The following BAIAP2L1 variants were observed in gnomAD, a reference collection of about 807,000 sequenced individuals.
BAIAP2L1 encodes the protein BAR/IMD domain-containing adapter protein 2-like 1.
A neutral mutation model predicts 66.3 loss-of-function variants in BAIAP2L1; 35 were observed. The observed-to-expected ratio is 0.53, with a 90% CI of 0.40 to 0.70. The LOEUF is 0.70. Among genes scored for constraint, BAIAP2L1 ranks in the 30% least tolerant of loss-of-function variants. BAIAP2L1 has a pLI of 0.00. For missense variants in BAIAP2L1, 622 were observed against 656.9 expected (o/e 0.95, Z 0.58); for synonymous variants, 269 against 248.7 (o/e 1.08, Z -0.77).
In BAIAP2L1 at chr7:98,315,625, A is replaced by AAAAATAAT; in HGVS notation, c.487-14_487-13insATTATTTT. 3.5e-6 allele frequency: 4 copies of AAAAATAAT among 1,130,958 alleles called. No individual in the cohort carries two copies. The African/African-American group carries it at 5.0e-5, about 14-fold the overall frequency. 70.1% of individuals were successfully genotyped at this position (1,130,958 alleles called of 1,614,324 possible). A position where few individuals can be genotyped will look rare whatever the true frequency, so the allele number is the denominator to read the frequency against. ...CGGTCTCCACATACTAAAAAAAAAAAAATAATAATAATAATAATTATATAA... is the reference window on the plus strand; with the variant it reads ...CGGTCTCCACATACTAAAAAAAAAAAAAAATAATAATAATAATAATAATAATTATATAA... On this transcript the variant is annotated splice_polypyrimidine_tract_variant and intron_variant, in intron 6 of 13. Transcript: ENST00000005260.
intron 1 of BAIAP2L1, among the ~76,000 whole-genome samples, chr7:98,367,890 C>T (rs980778925): frequency 2.0e-4 from 31 of 151,966 alleles, no homozygotes; most frequent in African/African-American, 7.2e-4. Context: ...TCCCAAAGTG[C>T]TGGGATTACA....
intron 3 of BAIAP2L1, among the ~76,000 whole-genome samples, chr7:98,343,286 C>T (rs1217382962): frequency 6.9e-6 from 1 of 144,510 alleles, no homozygotes; most frequent in South Asian, 2.3e-4. Flanking sequence ...CACACACACA[C>T]AGACACACAC....
chr7:98,392,167 TAAAA>T (rs5886065), intron 1 of BAIAP2L1, among the ~76,000 whole-genome samples: 15 of 120,750 alleles, frequency 1.2e-4, no homozygotes, highest in African/African-American at 9.4e-5. Flanking sequence ...ACCCCCTCGC[TAAAA>T]AAAAAAAAAA....
intron 3 of BAIAP2L1, among the ~76,000 whole-genome samples, chr7:98,331,410 G>A (rs1801491495): frequency 6.8e-6 from 1 of 146,154 alleles, no homozygotes. Context: ...ATAAATACTA[G>A]AAAATCTGCA....
chr7:98,366,733 G>T (rs1439573277), intron 1 of BAIAP2L1, among the ~76,000 whole-genome samples: 2 of 152,168 alleles, frequency 1.3e-5, no homozygotes, highest in African/African-American at 4.8e-5. Flanking sequence ...CAGGTGCTTG[G>T]CACCTACGCG....
chr7:98,293,566 G>T lies in BAIAP2L1; in HGVS notation c.1491C>A (p.Leu497=). 1 of 1,613,936 alleles carries T rather than the reference G, an allele frequency of 6.2e-7. No individual in the cohort carries two copies. Among genetic ancestry groups the T allele is most frequent in the East Asian group, 2.2e-5 (1 of 44,882 alleles). The change falls in exon 14 of 14, where the codon CTC becomes CTA. Residue 497 remains leucine, a synonymous_variant. Transcript: ENST00000005260. ...SGENPFATVK[L]RPTVTNDRSA... is the part of the protein sequence containing the mutation. ...AGCGATCATTCGTCACAGTCGGGCG[G>T]AGTTTCACAGTGGCAAAGGGGTTTT...
chr7:98,354,605 G>A (rs996232667), intron 3 of BAIAP2L1, among the ~76,000 whole-genome samples: 3 of 152,122 alleles, frequency 2.0e-5, no homozygotes, highest in South Asian at 2.1e-4. Context: ...CAGCAGAACC[G>A]GAAAAATCAC....
intron 2 of BAIAP2L1, among the ~76,000 whole-genome samples, chr7:98,359,681 C>T (rs1046195083): frequency 8.6e-5 from 13 of 151,962 alleles, no homozygotes; most frequent in Admixed American, 5.3e-4. Context: ...CACCAACCCA[C>T]ACCACTCAAA....
intron 3 of BAIAP2L1, among the ~76,000 whole-genome samples, chr7:98,346,088 TAA>T (rs1176228182): frequency 1.3e-5 from 2 of 152,192 alleles, no homozygotes; most frequent in African/African-American, 4.8e-5. Context: ...GTGAATATAC[TAA>T]AAACCAGTGA....
At chr7:98,318,239 A>G (rs1801139618) in intron 5 of BAIAP2L1, among the ~76,000 whole-genome samples, 1 of 152,074 alleles carries the variant, frequency 6.6e-6, no homozygotes, top group Admixed American at 6.6e-5. Flanking sequence ...TCTTTCTTTT[A>G]TTCCTTCTTT....
chr7:98,300,683 G>C (rs1452225948), intron 12 of BAIAP2L1, among the ~76,000 whole-genome samples: 1 of 152,064 alleles, frequency 6.6e-6, no homozygotes, highest in Non-Finnish European at 1.5e-5. Context: ...GCACTGCTCA[G>C]GAAGCACCAC....
chr7:98,371,991 C>T (rs1802520644), intron 1 of BAIAP2L1, among the ~76,000 whole-genome samples: 1 of 151,984 alleles, frequency 6.6e-6, no homozygotes. Context: ...GACGGGGTTT[C>T]ACCAGTGTTA....
intron 3 of BAIAP2L1, among the ~76,000 whole-genome samples, chr7:98,324,688 C>CA (rs1222707516): frequency 3.3e-5 from 5 of 150,830 alleles, no homozygotes; most frequent in South Asian, 2.1e-4. Context: ...ACCATCTCTA[C>CA]AAAAAAAAAT....
At chr7:98,348,075 G>A (rs1387475815) in intron 3 of BAIAP2L1, among the ~76,000 whole-genome samples, 6 of 151,846 alleles carry the variant, frequency 4.0e-5, no homozygotes, top group Admixed American at 2.0e-4. Context: ...ACCAAGGCAC[G>A]TGTATATCTA....
rs1051644103 is a variant in BAIAP2L1 at position 98,292,525 on chromosome 7, A to C, written c.*996T>G. ...AGGTCCAGATCCTTGGCAGCCAAAG[A>C]TGATTTCCAGCCCCGGGCTCAGGGC... On this transcript the variant is annotated 3_prime_UTR_variant, in exon 14 of 14. Coordinates refer to ENST00000005260, the MANE Select transcript of BAIAP2L1 (RefSeq NM_018842.5). 9.7e-7 allele frequency: 1 copy of C among 1,029,402 alleles called. No homozygotes were observed. Among genetic ancestry groups the C allele is most frequent in the African/African-American group, 1.6e-5 (1 of 62,068 alleles). The allele number at this position is 1,029,402 out of a possible 1,614,324, so 63.8% of individuals were successfully genotyped here.
Position 98,317,481 on chromosome 7 carries a change from C to G in BAIAP2L1, c.349-125G>C, listed in dbSNP as rs573695439. 3.7e-4 allele frequency: 479 copies of G among 1,288,822 alleles called. 7 individuals are homozygous for G. The South Asian group carries it at 6.1e-3, about 16-fold the overall frequency. The allele number at this position is 1,288,822 out of a possible 1,614,324, so 79.8% of individuals were successfully genotyped here. The stretch of plus-strand genomic sequence containing the variant: ...CCCTGACACCCTCACTTCACACCAT[C>G]CTCACACTGGCTGGGGCCCCCACAC... On this transcript the variant is annotated intron_variant, in intron 5 of 13. Transcript: ENST00000005260.
chr7:98,393,969 G>A (rs1174413730), intron 1 of BAIAP2L1, among the ~76,000 whole-genome samples: 1 of 151,940 alleles, frequency 6.6e-6, no homozygotes, highest in East Asian at 2.0e-4. Flanking sequence ...GCCAGGCGCG[G>A]TGGCTCACGC....
At chr7:98,393,660 G>T (rs1437302996) in intron 1 of BAIAP2L1, among the ~76,000 whole-genome samples, 1 of 150,870 alleles carries the variant, frequency 6.6e-6, no homozygotes, top group African/African-American at 2.4e-5. Context: ...ACCGCGCCTG[G>T]ATAATTTTTT....
intron 3 of BAIAP2L1, among the ~76,000 whole-genome samples, chr7:98,351,031 G>C (rs2115676065): frequency 6.6e-6 from 1 of 152,012 alleles, no homozygotes; most frequent in South Asian, 2.1e-4. Context: ...TAATTTTTTG[G>C]TATTTTTTTT....
Sources: gnomAD v4.1 joint callset for allele counts (sites outside exome capture counted in the v4.1 genomes callset) on GRCh38, gnomAD v4.1.1 for gene constraint, MANE v1.5 for transcripts, NCBI Gene and HGNC (gene_info 2026-07-23, HGNC 2026-07-21) for gene names.